The following MACF1 variants were observed in gnomAD, a reference collection of about 807,000 sequenced individuals.
MACF1 encodes microtubule-actin cross-linking factor 1.
A neutral mutation model predicts 854.8 loss-of-function variants in MACF1; 193 were observed. That is an observed-to-expected ratio of 0.23 (90% CI 0.20 to 0.25). MACF1 has a LOEUF of 0.25. MACF1 is among the 10% of genes least tolerant of loss of function. The pLI, the probability that MACF1 is intolerant of heterozygous loss-of-function variation, is 1.00. For missense variants in MACF1, 7,722 were observed against 8,929.1 expected, an observed-to-expected ratio of 0.86 and a Z score of 5.45; for synonymous variants, 3,185 against 3,226.7, an observed-to-expected ratio of 0.99 and a Z score of 0.44.
intron 2 of MACF1, among the ~76,000 whole-genome samples, chr1:39,126,863 A>C (rs909123091): frequency 1.3e-5 from 2 of 152,218 alleles, no homozygotes; most frequent in African/African-American, 4.8e-5. Flanking sequence ...TGGACAGAGG[A>C]GTGAACATAT....
intron 2 of MACF1, among the ~76,000 whole-genome samples, chr1:39,096,811 T>TC (rs1024784458): frequency 1.3e-5 from 2 of 151,594 alleles, no homozygotes; most frequent in African/African-American, 4.8e-5. Context: ...TGCTTCAGAG[T>TC]CCATGTCTGA....
chr1:39,234,012 A>G (rs1644820632), intron 2 of MACF1, among the ~76,000 whole-genome samples: 1 of 143,784 alleles, frequency 7.0e-6, no homozygotes, highest in African/African-American at 2.5e-5. Flanking sequence ...TGCTGCCTTC[A>G]AGCATCTGTT....
intron 60 of MACF1, among the ~76,000 whole-genome samples, chr1:39,423,545 GA>G (rs1643620585): frequency 6.7e-6 from 1 of 148,866 alleles, no homozygotes; most frequent in African/African-American, 2.5e-5. Flanking sequence ...TGAGGCAGAA[GA>G]ATGGTGTGAA....
intron 2 of MACF1, among the ~76,000 whole-genome samples, chr1:39,161,764 G>T (rs914205740): frequency 2.0e-5 from 3 of 151,982 alleles, no homozygotes; most frequent in African/African-American, 7.3e-5. Context: ...CTACTCAGGA[G>T]GCTGAGGCAG....
chr1:39,333,711 G>A lies in MACF1; in HGVS notation c.7123G>A (p.Asp2375Asn), dbSNP rs1247683350. The change falls in exon 37 of 101, where the codon GAC becomes AAC. Residue 2375 changes from aspartate (D) to asparagine (N), a missense_variant. Asp to Asn is a conservative substitution (Grantham distance 23, BLOSUM62 1). Coordinates refer to ENST00000564288, the MANE Select transcript of MACF1 (RefSeq NM_001394062.1). ...AGACAAAGCTATAAGTGGTGTCTTA[G>A]ACCCCCGTACCCAGACACTGTGCTC... is the stretch of plus-strand genomic sequence containing the variant. ...MADKAISGVL[D>N]PRTQTLCSVK... The A allele has an allele frequency of 1.9e-6, 3 of 1,614,066 alleles. No homozygotes were observed. The African/African-American group carries it at 4.0e-5, about 22-fold the overall frequency.
intron 6 of MACF1, chr1:39,268,867 T>C (rs1645268576): frequency 7.8e-7 from 1 of 1,289,182 alleles, no homozygotes; most frequent in Non-Finnish European, 1.0e-6. Context: ...GGAACTGGAG[T>C]CATTGAAGAG....
rs772899719 is a variant in MACF1, at chr1:39,372,581, T to G, written c.13198T>G (p.Ser4400Ala). 6.2e-7 allele frequency: 1 copy of G among 1,611,756 alleles called. No homozygotes were observed. The highest frequency in any genetic ancestry group is 1.3e-5 in the African/African-American group (1 of 74,876). The part of the protein sequence containing the change: ...NLIMEITAPD[S>A]QGKTGSILPS... Reference sequence around the variant, plus strand: ...CATCATGGAAATCACAGCACCTGATTCCCAAGGCAAGACAGGTGAGTACAG... The same window carrying G: ...CATCATGGAAATCACAGCACCTGATGCCCAAGGCAAGACAGGTGAGTACAG... The change falls in exon 52 of 101, where the codon TCC becomes GCC. Residue 4400 changes from serine to alanine, a missense_variant. Ser to Ala is a moderately conservative substitution (Grantham distance 99). This residue lies in a region of MACF1 where 2,807 missense variants were observed against 3,235.8 expected (regional missense o/e 0.87). Transcript: ENST00000564288.
chr1:39,436,874 A>G (rs1332554905), intron 70 of MACF1, among the ~76,000 whole-genome samples: 1 of 152,228 alleles, frequency 6.6e-6, no homozygotes, highest in African/African-American at 2.4e-5. Context: ...TGGGAAGGTA[A>G]TAATTCTTCA....
intron 65 of MACF1, 38 bp from the exon 66 acceptor site, chr1:39,430,664 T>G (rs1643863993): frequency 3.2e-6 from 5 of 1,552,456 alleles, no homozygotes; most frequent in Non-Finnish European, 2.7e-6. Context: ...GTGCTTTATT[T>G]AGCAAGGTAT....
At chr1:39,371,449 T>G (rs1002917752) in intron 51 of MACF1, among the ~76,000 whole-genome samples, 1 of 151,782 alleles carries the variant, frequency 6.6e-6, no homozygotes, top group Non-Finnish European at 1.5e-5. Context: ...AAAAGCAAAC[T>G]AAGTAGATTG....
chr1:39,480,561 C>T (rs1644994725), intron 98 of MACF1, among the ~76,000 whole-genome samples: 1 of 152,032 alleles, frequency 6.6e-6, no homozygotes, highest in Non-Finnish European at 1.5e-5. Context: ...CCCAGGAATA[C>T]AAGGCTGCAG....
chr1:39,186,220 G>T (rs371993745), intron 2 of MACF1, among the ~76,000 whole-genome samples: 1 of 97,200 alleles, frequency 1.0e-5, no homozygotes. Context: ...CTCTCTGTGT[G>T]TGTGTGTGTG....
In MACF1 at chr1:39,350,800, A is replaced by G. The variant is rs1398095916; in HGVS notation, c.10981A>G (p.Ile3661Val). ...QSDLKDLQDD[I>V]QNRATSFATV... ...TTGTGTTAAGGATTTACAGGATGAC[A>G]TTCAGAATCGTGCCACCTCATTTGC... The change falls in exon 43 of 101, where the codon ATT (isoleucine) becomes GTT (valine). Residue 3661 changes from isoleucine to valine, a missense_variant. Coordinates refer to ENST00000564288, the MANE Select transcript of MACF1 (RefSeq NM_001394062.1). 13 of 1,613,822 alleles carry G rather than the reference A, an allele frequency of 8.1e-6. No individual in the cohort carries two copies. Among genetic ancestry groups the G allele is most frequent in the Non-Finnish European group, 1.0e-5 (12 of 1,179,762 alleles).
At chr1:39,476,447 T>C (rs1340841246) in intron 97 of MACF1, among the ~76,000 whole-genome samples, 1 of 152,036 alleles carries the variant, frequency 6.6e-6, no homozygotes, top group Non-Finnish European at 1.5e-5. Context: ...GCCACGCGCC[T>C]GCAGTCCCAG....
intron 1 of MACF1, among the ~76,000 whole-genome samples, chr1:39,220,549 C>G (rs1644639266): frequency 6.9e-6 from 1 of 143,962 alleles, no homozygotes. Context: ...GTGGCGCAAT[C>G]TCAGCTCACT....
At chr1:39,462,826 A>G (rs975128857) in intron 93 of MACF1, among the ~76,000 whole-genome samples, 1 of 152,222 alleles carries the variant, frequency 6.6e-6, no homozygotes, top group Non-Finnish European at 1.5e-5. Flanking sequence ...TGCCAAATTT[A>G]TTAGTGCCAT....
chr1:39,485,892 G>A lies in MACF1; in HGVS notation c.*98G>A. 7.9e-7 allele frequency: 1 copy of A among 1,265,786 alleles called. No individual in the cohort carries two copies. The highest frequency in any genetic ancestry group is 1.0e-6 in the Non-Finnish European group (1 of 970,234). The allele number at this position is 1,265,786 out of a possible 1,614,324, so 78.4% of individuals were successfully genotyped here. A position where few individuals can be genotyped will look rare whatever the true frequency, so the allele number is the denominator to read the frequency against. ...AACGGGAGAAGTTATATTGTTAAAAGTGTAAAAGAATAATTGTGTTATGAA... is the reference window on the plus strand; with the variant it reads ...AACGGGAGAAGTTATATTGTTAAAAATGTAAAAGAATAATTGTGTTATGAA... On this transcript the variant is annotated 3_prime_UTR_variant, in exon 101 of 101. Coordinates refer to ENST00000564288, the MANE Select transcript of MACF1 (RefSeq NM_001394062.1).
chr1:39,141,420 A>T (rs1422496308), intron 2 of MACF1, among the ~76,000 whole-genome samples: 1 of 152,188 alleles, frequency 6.6e-6, no homozygotes, highest in Non-Finnish European at 1.5e-5. Flanking sequence ...TGTAGCATAT[A>T]GGTGTTAAGA....
At chr1:39,450,763 C>G (rs1180377) in intron 84 of MACF1, among the ~76,000 whole-genome samples, 60,590 of 151,562 alleles carry the variant, frequency 0.4, 13,032 homozygotes, top group African/African-American at 0.56. Flanking sequence ...AGGCACCCAC[C>G]ACCATGCCCG....
Sources: gnomAD v4.1 joint callset for allele counts (sites outside exome capture counted in the v4.1 genomes callset) on GRCh38, gnomAD v4.1.1 for gene constraint, gnomAD v4.1.1 regional missense constraint, MANE v1.5 for transcripts, NCBI Gene and HGNC (gene_info 2026-07-23, HGNC 2026-07-21) for gene names.